SLIT2: variants seen among roughly 807,000 people sequenced by gnomAD.
SLIT2 encodes slit guidance ligand 2.
Under a neutral mutation model 185.7 loss-of-function variants are expected in SLIT2, and 41 were observed. The observed-to-expected ratio is 0.22, with a 90% CI of 0.17 to 0.29. The LOEUF (loss-of-function observed/expected upper bound fraction) is 0.29. Ranked by LOEUF, SLIT2 falls within the 10% of genes least tolerant of loss-of-function variation. The probability of loss-of-function intolerance (pLI) is 1.00; values close to 1 mark genes in which losing one functional copy is unlikely to be tolerated. For synonymous variants in SLIT2, 693 were observed against 680.2 expected (o/e 1.02, Z -0.29); for missense variants, 1,571 against 1,909.0 (o/e 0.82, Z 3.30).
chr4:20,569,082 T>G, intron 29 of SLIT2, 78 bp downstream of exon 29: 1 of 1,212,542 alleles, frequency 8.2e-7, no homozygotes, highest in Non-Finnish European at 1.2e-6. Flanking sequence ...TTATATATGT[T>G]TAGTAAATCT....
rs188997955 is a variant in SLIT2, at chr4:20,306,625, C to T, written c.395+37744C>T. Among the ~76,000 whole-genome samples, 20 of 152,248 alleles carry T rather than the reference C, an allele frequency of 1.3e-4. No homozygotes were observed. In the East Asian group the frequency reaches 2.5e-3, roughly 19 times the overall value. ...TGAGATCCTTATCCCACTGCATTTT[C>T]GTGTGCTTTTTTTGTTTTGTTTTGT... On this transcript the variant is annotated intron_variant, in intron 4 of 36. Transcript: ENST00000504154.
At chr4:20,577,861 A>C (rs147353289) in intron 29 of SLIT2, among the ~76,000 whole-genome samples, 1 of 152,364 alleles carries the variant, frequency 6.6e-6, no homozygotes, top group African/African-American at 2.4e-5. Context: ...ATTCAGGTCC[A>C]TTCATCTTAA....
At chr4:20,472,255 G>GATATAT (rs1191025385) in intron 5 of SLIT2, among the ~76,000 whole-genome samples, 1,154 of 21,764 alleles carry the variant, frequency 0.053, 134 homozygotes, top group East Asian at 0.11. Context: ...TCTATATATA[G>GATATAT]ATCTATATAT....
Position 20,528,234 on chromosome 4 carries a change from A to G in SLIT2, c.1463-715A>G, listed in dbSNP as rs543634118. On this transcript the variant is annotated intron_variant, in intron 15 of 36. Transcript: ENST00000504154. The surrounding 1 kb of genome is among the most constrained non-coding windows in gnomAD (Gnocchi z 4.2). ...TGTAGCTTTTCTCCTCCTTCCCTCC[A>G]TTTTCCTCTTGGTCTTACCTTTGGC... The G allele has an allele frequency of 3.8e-6, 2 of 533,328 alleles. No individual in the cohort carries two copies. The highest frequency in any genetic ancestry group is 3.9e-5 in the African/African-American group (2 of 51,760). 33.0% of individuals were successfully genotyped at this position (533,328 alleles called of 1,614,324 possible). A position where few individuals can be genotyped will look rare whatever the true frequency, so the allele number is the denominator to read the frequency against.
intron 9 of SLIT2, among the ~76,000 whole-genome samples, chr4:20,508,378 C>G (rs937505145): frequency 5.9e-5 from 9 of 151,830 alleles, no homozygotes; most frequent in African/African-American, 2.2e-4. Flanking sequence ...AATATCAATA[C>G]TAGTATAAAA....
intron 15 of SLIT2, among the ~76,000 whole-genome samples, chr4:20,526,327 G>A (rs995707530): frequency 2.6e-5 from 4 of 152,084 alleles, no homozygotes; most frequent in African/African-American, 4.8e-5. Flanking sequence ...TATACTGGCT[G>A]CATAACAAGT....
intron 6 of SLIT2, among the ~76,000 whole-genome samples, chr4:20,483,879 A>T (rs946986606): frequency 2.6e-4 from 39 of 152,232 alleles, no homozygotes; most frequent in African/African-American, 8.9e-4. Flanking sequence ...ACCATAACAT[A>T]CACAAGTAAT....
chr4:20,537,592 G>A (rs1026855873), intron 18 of SLIT2, among the ~76,000 whole-genome samples: 1 of 152,054 alleles, frequency 6.6e-6, no homozygotes, highest in Non-Finnish European at 1.5e-5. Flanking sequence ...GTATTTCTGT[G>A]GATGTTTTTG....
chr4:20,524,378 A>G (rs1721106622), intron 14 of SLIT2, among the ~76,000 whole-genome samples: 1 of 152,236 alleles, frequency 6.6e-6, no homozygotes, highest in South Asian at 2.1e-4. Context: ...CACCATATAC[A>G]GCAGAAGAAA....
intron 7 of SLIT2, among the ~76,000 whole-genome samples, chr4:20,487,701 C>G (rs1717376223): frequency 6.6e-6 from 1 of 152,162 alleles, no homozygotes; most frequent in Non-Finnish European, 1.5e-5. Flanking sequence ...GCTTTTTGTT[C>G]TGTGGTACGC....
intron 18 of SLIT2, among the ~76,000 whole-genome samples, chr4:20,538,061 G>A (rs939873750): frequency 1.3e-5 from 2 of 152,166 alleles, no homozygotes; most frequent in East Asian, 1.9e-4. Context: ...CCGGGTTCAC[G>A]CCAGTCTCCT....
intron 24 of SLIT2, among the ~76,000 whole-genome samples, chr4:20,549,748 A>T (rs1261367156): frequency 2.0e-5 from 3 of 151,508 alleles, no homozygotes; most frequent in Non-Finnish European, 4.4e-5. Context: ...TATGAATAAA[A>T]ATATATATAT....
At chr4:20,294,551 AG>A (rs1716286107) in intron 4 of SLIT2, among the ~76,000 whole-genome samples, 1 of 152,138 alleles carries the variant, frequency 6.6e-6, no homozygotes, top group Non-Finnish European at 1.5e-5. Flanking sequence ...ACACTTAGAA[AG>A]TTTTTTGTTT....
intron 4 of SLIT2, among the ~76,000 whole-genome samples, chr4:20,437,316 C>CA (rs1362460768): frequency 6.6e-6 from 1 of 151,974 alleles, no homozygotes; most frequent in African/African-American, 2.4e-5. Context: ...TTGTTGAAGG[C>CA]AAAAAACTAG....
intron 4 of SLIT2, among the ~76,000 whole-genome samples, chr4:20,420,711 C>T (rs1728108704): frequency 6.6e-6 from 1 of 151,902 alleles, no homozygotes; most frequent in African/African-American, 2.4e-5. Flanking sequence ...GGAAGAGATT[C>T]AAATGTTGAC....
chr4:20,340,881 G>A (rs979490403), intron 4 of SLIT2, among the ~76,000 whole-genome samples: 6 of 152,184 alleles, frequency 3.9e-5, no homozygotes, highest in South Asian at 2.1e-4. Context: ...GATTACAGGC[G>A]TGAGCCACCG....
intron 4 of SLIT2, among the ~76,000 whole-genome samples, chr4:20,460,161 C>T (rs1713543071): frequency 6.6e-6 from 1 of 152,018 alleles, no homozygotes; most frequent in Non-Finnish European, 1.5e-5. Flanking sequence ...CTGCGCCTGG[C>T]CATAAATATT....
intron 21 of SLIT2, 150 bp downstream of exon 21, chr4:20,542,776 T>A: frequency 1.2e-6 from 1 of 844,704 alleles, no homozygotes; most frequent in Non-Finnish European, 1.8e-6. Context: ...GGTAAATAAG[T>A]AATGCAAAAG....
intron 33 of SLIT2, among the ~76,000 whole-genome samples, chr4:20,600,485 C>G (rs531922475): frequency 7.5e-6 from 1 of 132,774 alleles, no homozygotes; most frequent in South Asian, 2.3e-4. Flanking sequence ...TGCAGTGGTG[C>G]GATCTTGGCT....
Sources: allele counts gnomAD v4.1 joint callset (sites outside exome capture counted in the v4.1 genomes callset), GRCh38; gene constraint gnomAD v4.1.1; non-coding constraint Gnocchi (gnomAD v3.1); transcripts MANE v1.5; gene names NCBI Gene and HGNC (gene_info 2026-07-23, HGNC 2026-07-21).